COL6A6: variants seen among roughly 807,000 people sequenced by gnomAD.
COL6A6 encodes collagen type VI alpha 6 chain.
In COL6A6, 183 loss-of-function variants were observed where a neutral mutation model predicts 208.6. The ratio of observed to expected loss-of-function variants is 0.88; its 90% confidence interval spans 0.78 to 0.99. COL6A6 has a LOEUF of 0.99. COL6A6 is among the 50% of genes least tolerant of loss of function. The probability of loss-of-function intolerance (pLI) is 0.00; values close to 1 mark genes in which losing one functional copy is unlikely to be tolerated. For synonymous variants in COL6A6, 973 were observed against 1,011.8 expected, an observed-to-expected ratio of 0.96 and a Z score of 0.73; for missense variants, 2,816 against 2,815.2, an observed-to-expected ratio of 1.00 and a Z score of -0.01.
intron 1 of COL6A6, among the ~76,000 whole-genome samples, chr3:130,556,465 G>A (rs2062769897): frequency 6.6e-6 from 1 of 152,048 alleles, no homozygotes; most frequent in Non-Finnish European, 1.5e-5. Context: ...AAGGCCTGGT[G>A]TTTACTTTCT....
At chr3:130,537,041 T>C (rs542660547) in intron 1 of COL6A6, among the ~76,000 whole-genome samples, 30 of 152,324 alleles carry the variant, frequency 2.0e-4, no homozygotes, top group Non-Finnish European at 3.7e-4. Context: ...TATTCCTATG[T>C]TTCTAGCTGA....
intron 24 of COL6A6, among the ~76,000 whole-genome samples, chr3:130,622,124 G>A (rs910101270): frequency 1.3e-5 from 2 of 152,002 alleles, no homozygotes; most frequent in Non-Finnish European, 2.9e-5. Flanking sequence ...GGAGCTGAGG[G>A]ATCTCAGGGA....
Position 130,634,210 on chromosome 3 carries a change from AAAATAAATAAAT to A in COL6A6, c.4993-356_4993-345del, listed in dbSNP as rs1182265813. ...CTCAAGCTATAAAATGTTAAAAAAA[AAAATAAATAAAT>A]AAATAAATAAATAAATAAATAAAAA... On this transcript the variant is annotated intron_variant, in intron 26 of 36. Coordinates refer to ENST00000358511, the MANE Select transcript of COL6A6 (RefSeq NM_001102608.3). Among the ~76,000 whole-genome samples, 154 of 50,282 alleles carry A rather than the reference AAAATAAATAAAT, an allele frequency of 3.1e-3. 7 individuals are homozygous for A. Among genetic ancestry groups the A allele is most frequent in the Non-Finnish European group, 4.2e-3 (147 of 34,764 alleles). The allele number at this position is 50,282 out of a possible 152,430, so 33.0% of individuals were successfully genotyped here. A position where few individuals can be genotyped will look rare whatever the true frequency, so the allele number is the denominator to read the frequency against.
chr3:130,567,821 T>C (rs1319847110), intron 5 of COL6A6, among the ~76,000 whole-genome samples: 1 of 152,234 alleles, frequency 6.6e-6, no homozygotes, highest in Non-Finnish European at 1.5e-5. Flanking sequence ...ATACCCAAGA[T>C]GTCAATGGTG....
intron 35 of COL6A6, among the ~76,000 whole-genome samples, chr3:130,664,072 G>C (rs2066008057): frequency 6.6e-6 from 1 of 152,164 alleles, no homozygotes; most frequent in South Asian, 2.1e-4. Flanking sequence ...CTTGGTTACT[G>C]ACTGGTCTTC....
chr3:130,530,246 C>T (rs9878523), intron 1 of COL6A6, among the ~76,000 whole-genome samples: 1 of 143,044 alleles, frequency 7.0e-6, no homozygotes, highest in African/African-American at 2.5e-5. Flanking sequence ...TCTCATCTAT[C>T]AAATGGAGTT....
At chr3:130,627,891 A>G (rs1291441090) in intron 26 of COL6A6, among the ~76,000 whole-genome samples, 2 of 152,248 alleles carry the variant, frequency 1.3e-5, no homozygotes, top group African/African-American at 4.8e-5. Flanking sequence ...TCTGTATACT[A>G]GCAATCACCA....
chr3:130,601,017 T>C (rs1313978285), intron 20 of COL6A6, among the ~76,000 whole-genome samples: 1 of 152,152 alleles, frequency 6.6e-6, no homozygotes, highest in Non-Finnish European at 1.5e-5. Flanking sequence ...ATTTTTTCAT[T>C]AAGTACTTTA....
In COL6A6 at chr3:130,649,125, C is replaced by CG; in HGVS notation, c.5299dup (p.Asp1767GlyfsTer4). The stretch of plus-strand genomic sequence containing the variant: ...GTTGGTGTTTGCCCTGGACCACTCC[C>CG]GGGATGTCACTGAGCAGGAATTTGA... On this transcript the variant is annotated frameshift_variant, in exon 33 of 37. Coordinates refer to ENST00000358511, the MANE Select transcript of COL6A6 (RefSeq NM_001102608.3). LOFTEE classifies it high-confidence loss of function. 6.3e-7 allele frequency: 1 copy of CG among 1,581,136 alleles called. No individual in the cohort carries two copies. Among genetic ancestry groups the CG allele is most frequent in the Non-Finnish European group, 8.6e-7 (1 of 1,162,972 alleles).
chr3:130,639,124 C>T (rs2065236983), intron 28 of COL6A6, among the ~76,000 whole-genome samples: 1 of 151,870 alleles, frequency 6.6e-6, no homozygotes, highest in African/African-American at 2.4e-5. Context: ...TGTCTTTTTG[C>T]TCTACTTTCT....
chr3:130,666,585 A>G (rs1205635012), intron 36 of COL6A6, among the ~76,000 whole-genome samples: 1 of 152,224 alleles, frequency 6.6e-6, no homozygotes, highest in African/African-American at 2.4e-5. Flanking sequence ...TTTTCTGTGA[A>G]TTTCACAATT....
At position 130,571,060 on chromosome 3, in the gene COL6A6, A is replaced by G. The variant is rs1269529638; in HGVS notation, c.2644A>G (p.Met882Val). 2 of 1,613,902 alleles carry G rather than the reference A, an allele frequency of 1.2e-6. No individual in the cohort carries two copies. The highest frequency in any genetic ancestry group is 2.2e-5 in the East Asian group (1 of 44,870). The change falls in exon 7 of 37, where the codon ATG becomes GTG. Residue 882 changes from methionine to valine, a missense_variant. Coordinates refer to ENST00000358511, the MANE Select transcript of COL6A6 (RefSeq NM_001102608.3). ...TTCAGTGCTCCAGAATGACCAAGCCATGGGTGGCAGTACTTATACTGCTGA... is the reference window on the plus strand; with the variant it reads ...TTCAGTGCTCCAGAATGACCAAGCCGTGGGTGGCAGTACTTATACTGCTGA... ...VISVLQNDQA[M>V]GGSTYTAEAL...
At chr3:130,576,993 T>C (rs1421426423) in intron 8 of COL6A6, among the ~76,000 whole-genome samples, 2 of 152,212 alleles carry the variant, frequency 1.3e-5, no homozygotes, top group African/African-American at 4.8e-5. Flanking sequence ...TTTGTAAATC[T>C]AAATAATCTC....
chr3:130,551,019 A>G (rs769144756), intron 1 of COL6A6, among the ~76,000 whole-genome samples: 1 of 152,216 alleles, frequency 6.6e-6, no homozygotes, highest in Non-Finnish European at 1.5e-5. Context: ...CCACTTGATC[A>G]TCATGGTGGA....
Position 130,574,248 on chromosome 3 carries a change from C to T in COL6A6, c.3270C>T (p.Phe1090=), listed in dbSNP as rs1408077539. 1 of 1,614,004 alleles carries T rather than the reference C, an allele frequency of 6.2e-7. No individual in the cohort carries two copies. Among genetic ancestry groups the T allele is most frequent in the South Asian group, 1.1e-5 (1 of 91,082 alleles). ...GAALREVEHY[F]RPDMGSRINT... ...CACTCAGGGAGGTGGAACATTACTT[C>T]AGGCCAGACATGGGCAGCAGGATAA... is the stretch of plus-strand genomic sequence containing the variant. The change falls in exon 8 of 37, where the codon TTC becomes TTT. Residue 1090 remains phenylalanine (F), a synonymous_variant. Coordinates refer to ENST00000358511, the MANE Select transcript of COL6A6 (RefSeq NM_001102608.3).
In COL6A6 at chr3:130,594,301, G is replaced by A. The variant is rs1486607496; in HGVS notation, c.4491G>A (p.Gly1497=). Residue 1497 remains glycine (G), a synonymous_variant, in exon 18 of 37, where the codon GGG becomes GGA. Transcript: ENST00000358511. ...TTTAGGGAAGCCCAGGGAAGAGAGG[G>A]ACTCCTGGTGACCGTGGAGCAAAGG... ...EGSQGSPGKR[G]TPGDRGAKGL... The A allele has an allele frequency of 3.7e-6, 6 of 1,613,182 alleles. No individual in the cohort carries two copies. Among genetic ancestry groups the A allele is most frequent in the African/African-American group, 1.3e-5 (1 of 74,862 alleles).
chr3:130,539,059 C>T (rs921085211), intron 1 of COL6A6, among the ~76,000 whole-genome samples: 3 of 152,194 alleles, frequency 2.0e-5, no homozygotes, highest in African/African-American at 7.2e-5. Context: ...TGAGAGTAAC[C>T]TTGCCATCCT....
rs929607373 is a variant in COL6A6 at position 130,517,335 on chromosome 3, A to G, written c.-94A>G. 2.6e-5 allele frequency among the ~76,000 whole-genome samples: 4 copies of G among 152,234 alleles called. No homozygotes were observed. Among genetic ancestry groups the G allele is most frequent in the South Asian group, 2.1e-4 (1 of 4,830 alleles). ...CGCCCTGCCCGCGCAGTGCGCGTCC[A>G]GAGGAAATCCGCCCCGGGCTTTCGA... On this transcript the variant is annotated 5_prime_UTR_variant, in exon 1 of 37. Coordinates refer to ENST00000358511, the MANE Select transcript of COL6A6 (RefSeq NM_001102608.3).
Position 130,675,317 on chromosome 3 carries a change from A to G in COL6A6, c.6712A>G (p.Ile2238Val). The G allele has an allele frequency of 6.3e-7, 1 of 1,598,960 alleles. No homozygotes were observed. The highest frequency in any genetic ancestry group is 8.5e-7 in the Non-Finnish European group (1 of 1,171,858). The stretch of plus-strand genomic sequence containing the variant: ...AGCAAGAAGTGGCAGAGATGATGCT[A>G]TTCAAAATTTTATGAGAAGCACCTC... Reference protein sequence around the residue: ...RVARSGRDDAIQNFMRSTSHT... With the variant: ...RVARSGRDDAVQNFMRSTSHT... Residue 2238 changes from isoleucine (I) to valine (V), a missense_variant, in exon 37 of 37, where the codon ATT becomes GTT. Transcript: ENST00000358511.
Sources: gnomAD v4.1 joint callset for allele counts (sites outside exome capture counted in the v4.1 genomes callset) on GRCh38, gnomAD v4.1.1 for gene constraint, MANE v1.5 for transcripts, NCBI Gene and HGNC (gene_info 2026-07-23, HGNC 2026-07-21) for gene names.